Variants in RABGAP1L observed in about 807,000 individuals in gnomAD.
RABGAP1L encodes the protein RAB GTPase activating protein 1 like.
Under a neutral mutation model 137.7 loss-of-function variants are expected in RABGAP1L, and 63 were observed. That is an observed-to-expected ratio of 0.46 (90% CI 0.37 to 0.56). RABGAP1L has a LOEUF of 0.56. Ranked by LOEUF, RABGAP1L falls within the 20% of genes least tolerant of loss-of-function variation. The pLI, the probability that RABGAP1L is intolerant of heterozygous loss-of-function variation, is 0.00. For synonymous variants in RABGAP1L, 431 were observed against 433.7 expected, an observed-to-expected ratio of 0.99 and a Z score of 0.08; for missense variants, 1,095 against 1,244.0, an observed-to-expected ratio of 0.88 and a Z score of 1.80.
chr1:174,646,386 G>A (rs6672781), intron 14 of RABGAP1L, among the ~76,000 whole-genome samples: 6,186 of 152,144 alleles, frequency 0.041, 455 homozygotes, highest in African/African-American at 0.14. Context: ...GTTAATTTTT[G>A]TATAAGATTT....
At chr1:174,654,866 A>G (rs1454487733) in intron 14 of RABGAP1L, among the ~76,000 whole-genome samples, 1 of 152,184 alleles carries the variant, frequency 6.6e-6, no homozygotes, top group Non-Finnish European at 1.5e-5. Context: ...ATTTCACATC[A>G]CTGAATCTAT....
intron 18 of RABGAP1L, among the ~76,000 whole-genome samples, chr1:174,763,625 TGG>T (rs1397687579): frequency 9.1e-6 from 1 of 109,894 alleles, no homozygotes; most frequent in African/African-American, 3.5e-5. Flanking sequence ...CACTCCAGCC[TGG>T]GCGACAGAGC....
chr1:174,687,870 A>G (rs1678595975), intron 15 of RABGAP1L, among the ~76,000 whole-genome samples: 1 of 152,236 alleles, frequency 6.6e-6, no homozygotes, highest in Non-Finnish European at 1.5e-5. Context: ...GTATGTTCAA[A>G]AACAGTTTTG....
chr1:174,762,807 CTTTTTTTTTTT>C (rs71563260), intron 18 of RABGAP1L, among the ~76,000 whole-genome samples: 10 of 81,828 alleles, frequency 1.2e-4, no homozygotes, highest in African/African-American at 2.4e-4. Flanking sequence ...GTCTCCTTTG[CTTTTTTTTTTT>C]TTTTTTTTTT....
intron 11 of RABGAP1L, among the ~76,000 whole-genome samples, chr1:174,321,411 A>T (rs752634089): frequency 7.2e-5 from 11 of 152,100 alleles, no homozygotes; most frequent in Non-Finnish European, 1.5e-4. Context: ...GAAAATTGCT[A>T]ATAAAAACTT....
chr1:174,180,599 G>A (rs1571401863), intron 1 of RABGAP1L, among the ~76,000 whole-genome samples: 1 of 151,992 alleles, frequency 6.6e-6, no homozygotes, highest in Admixed American at 6.6e-5. Context: ...CAAGTGGCTG[G>A]GACTGAAGGC....
intron 13 of RABGAP1L, among the ~76,000 whole-genome samples, chr1:174,462,501 AC>A (rs1220706359): frequency 1.3e-5 from 2 of 151,916 alleles, no homozygotes; most frequent in Non-Finnish European, 2.9e-5. Context: ...CAGTCATTAA[AC>A]TTTTGACTTC....
chr1:174,435,397 AT>A (rs897629565), intron 13 of RABGAP1L, among the ~76,000 whole-genome samples: 7 of 151,422 alleles, frequency 4.6e-5, no homozygotes, highest in South Asian at 2.1e-4. Context: ...TGCAGTTTCA[AT>A]TTTTTTTTGT....
chr1:174,422,741 A>G (rs1651473477), intron 13 of RABGAP1L, among the ~76,000 whole-genome samples: 1 of 152,026 alleles, frequency 6.6e-6, no homozygotes, highest in Non-Finnish European at 1.5e-5. Flanking sequence ...TGAGGTCTGG[A>G]GTTTGAGACC....
Position 174,889,114 on chromosome 1 carries a change from A to G in RABGAP1L, c.2341-68343A>G, listed in dbSNP as rs149403062. Among the ~76,000 whole-genome samples, 155 of 150,312 alleles carry G rather than the reference A, an allele frequency of 1.0e-3. 2 individuals carry two copies. The highest frequency in any genetic ancestry group is 3.6e-3 in the African/African-American group (148 of 41,262). On this transcript the variant is annotated intron_variant, in intron 19 of 25. Coordinates refer to ENST00000681986, the MANE Select transcript of RABGAP1L (RefSeq NM_001366446.1). ...TTTTTGAATTTTTGTTTTATTTTTT[A>G]ATTTTAATTTTAACTTTTTTTTTTT...
intron 13 of RABGAP1L, among the ~76,000 whole-genome samples, chr1:174,633,029 C>A (rs1364188724): frequency 5.3e-5 from 8 of 152,050 alleles, no homozygotes; most frequent in Non-Finnish European, 1.5e-5. Flanking sequence ...GAAGTTCTGG[C>A]CAGGGCAGTC....
intron 19 of RABGAP1L, among the ~76,000 whole-genome samples, chr1:174,909,484 C>T (rs1659705663): frequency 6.6e-6 from 1 of 152,124 alleles, no homozygotes; most frequent in Non-Finnish European, 1.5e-5. Context: ...ACTTTGGCTT[C>T]CCAAAATGCT....
chr1:174,658,983 G>T (rs1676175560), intron 14 of RABGAP1L, among the ~76,000 whole-genome samples: 1 of 152,092 alleles, frequency 6.6e-6, no homozygotes, highest in African/African-American at 2.4e-5. Context: ...AGAAGGAAGT[G>T]AATCTAAGAA....
At chr1:174,321,988 A>G (rs1349495385) in intron 11 of RABGAP1L, among the ~76,000 whole-genome samples, 2 of 151,836 alleles carry the variant, frequency 1.3e-5, no homozygotes, top group African/African-American at 4.8e-5. Flanking sequence ...ATATTAGACA[A>G]TTTTTTTATC....
intron 10 of RABGAP1L, among the ~76,000 whole-genome samples, chr1:174,291,909 A>AT (rs560298998): frequency 5.1e-5 from 7 of 137,152 alleles, no homozygotes; most frequent in Non-Finnish European, 1.1e-4. Flanking sequence ...TGATTTTCTT[A>AT]TTTTTTTTTC....
At chr1:174,308,062 A>G (rs1678470574) in intron 11 of RABGAP1L, among the ~76,000 whole-genome samples, 1 of 152,006 alleles carries the variant, frequency 6.6e-6, no homozygotes, top group Admixed American at 6.6e-5. Context: ...CCTTATGATT[A>G]GTGATGTTGA....
chr1:174,201,809 A>G (rs1438968544), intron 1 of RABGAP1L, among the ~76,000 whole-genome samples: 2 of 36,680 alleles, frequency 5.5e-5, no homozygotes, highest in African/African-American at 1.1e-4. Context: ...CCCTCCCCCC[A>G]CCCCACAACA....
At chr1:174,635,945 CTTGAT>C (rs1370781873) in intron 13 of RABGAP1L, among the ~76,000 whole-genome samples, 2 of 151,966 alleles carry the variant, frequency 1.3e-5, no homozygotes, top group African/African-American at 4.8e-5. Context: ...TTTTTTCTTT[CTTGAT>C]TTGAGACTGA....
At chr1:174,416,031 T>C (rs1193071849) in intron 13 of RABGAP1L, among the ~76,000 whole-genome samples, 1 of 123,522 alleles carries the variant, frequency 8.1e-6, no homozygotes, top group Non-Finnish European at 1.6e-5. Flanking sequence ...TATATATATA[T>C]ATATACACAC....
Sources: gnomAD v4.1 joint callset for allele counts (sites outside exome capture counted in the v4.1 genomes callset) on GRCh38, gnomAD v4.1.1 for gene constraint, MANE v1.5 for transcripts, NCBI Gene and HGNC (gene_info 2026-07-23, HGNC 2026-07-21) for gene names.